The following MTIF3 variants were observed in gnomAD, a reference collection of about 807,000 sequenced individuals.
The protein encoded by MTIF3 is translation initiation factor IF-3, mitochondrial.
MTIF3 carries 13 observed loss-of-function variants against 20.7 expected under a neutral mutation model. That is an observed-to-expected ratio of 0.63 (90% CI 0.41 to 1.00). The LOEUF (loss-of-function observed/expected upper bound fraction) is 1.00, where lower values mean the gene tolerates loss of function less well. Among genes scored for constraint, MTIF3 ranks in the 50% least tolerant of loss-of-function variants. MTIF3 has a pLI of 0.00. For missense variants in MTIF3, 295 were observed against 324.5 expected, an observed-to-expected ratio of 0.91 and a Z score of 0.70; for synonymous variants, 114 against 112.5, an observed-to-expected ratio of 1.01 and a Z score of -0.08.
rs777543756 is a variant in MTIF3 at position 27,440,144 on chromosome 13, C to T, written c.305G>A (p.Arg102Gln). The T allele has an allele frequency of 9.3e-6, 15 of 1,614,040 alleles. No homozygotes were observed. Among genetic ancestry groups the T allele is most frequent in the Middle Eastern group, 1.6e-4 (1 of 6,084 alleles). The change falls in exon 3 of 5, where the codon CGA becomes CAA. Residue 102 changes from arginine (R) to glutamine (Q), a missense_variant. By Grantham distance (43) the Arg-to-Gln change is conservative. Transcript: ENST00000381120. ...EKGNDLGNMHRANVIRLMDER... is the reference protein window; with the variant it reads ...EKGNDLGNMHQANVIRLMDER... ...ATCCATAAGTCTAATCACATTTGCT[C>T]GGTGCATGTTTCCCAAATCATTGCC... is the stretch of plus-strand genomic sequence containing the variant.
intron 2 of MTIF3, among the ~76,000 whole-genome samples, chr13:27,441,651 G>A (rs753954991): frequency 7.9e-5 from 12 of 152,180 alleles, no homozygotes; most frequent in Non-Finnish European, 1.6e-4. Flanking sequence ...CATGTATTTG[G>A]TAAATCTTAG....
rs147552267 is a variant in MTIF3, at chr13:27,435,748, T to G, written c.764A>C (p.Gln255Pro). The G allele has an allele frequency of 4.4e-4, 709 of 1,614,016 alleles. No individual in the cohort carries two copies. Among genetic ancestry groups the G allele is most frequent in the Non-Finnish European group, 5.7e-4 (668 of 1,179,992 alleles). Residue 255 changes from glutamine (Q) to proline (P), a missense_variant, in exon 5 of 5, where the codon CAA becomes CCA. Coordinates refer to ENST00000381120, the MANE Select transcript of MTIF3 (RefSeq NM_152912.5). ...CAAAGTGTCTCTTTCCTGGGTCTCTTGAGTTTCTTTATATGCCTTCTCCTC... is the reference window on the plus strand; with the variant it reads ...CAAAGTGTCTCTTTCCTGGGTCTCTGGAGTTTCTTTATATGCCTTCTCCTC... ...KNEEKAYKET[Q>P]ETQERDTLNK...
intron 1 of MTIF3, among the ~76,000 whole-genome samples, chr13:27,446,801 A>G (rs1954194477): frequency 6.6e-6 from 1 of 152,044 alleles, no homozygotes; most frequent in Admixed American, 6.6e-5. Context: ...GTTTTCCTTA[A>G]ACTCAGGTCT....
intron 3 of MTIF3, among the ~76,000 whole-genome samples, chr13:27,437,704 T>C (rs1028845520): frequency 1.3e-5 from 2 of 152,168 alleles, no homozygotes; most frequent in African/African-American, 4.8e-5. Flanking sequence ...CATCCTGTGT[T>C]CATGCCCTCT....
intron 2 of MTIF3, among the ~76,000 whole-genome samples, chr13:27,444,534 G>A (rs929681219): frequency 1.3e-5 from 2 of 152,026 alleles, no homozygotes; most frequent in African/African-American, 2.4e-5. Flanking sequence ...TAAATACAAA[G>A]TTAAAACAAC....
At chr13:27,439,809 AGGG>A (rs1280730100) in intron 3 of MTIF3, among the ~76,000 whole-genome samples, 177 bp downstream of exon 3, 1 of 152,246 alleles carries the variant, frequency 6.6e-6, no homozygotes, top group Non-Finnish European at 1.5e-5. Context: ...AGTGAAAAAA[AGGG>A]AACAGGAGTA....
chr13:27,444,120 A>T (rs914469584), intron 2 of MTIF3, among the ~76,000 whole-genome samples: 1 of 152,120 alleles, frequency 6.6e-6, no homozygotes, highest in African/African-American at 2.4e-5. Context: ...TGGCTAACAC[A>T]GTGAAACCCT....
At chr13:27,437,519 T>C (rs1362906913) in intron 3 of MTIF3, among the ~76,000 whole-genome samples, 1 of 152,222 alleles carries the variant, frequency 6.6e-6, no homozygotes, top group Non-Finnish European at 1.5e-5. Flanking sequence ...CCATCGTTTG[T>C]TGAAAGAACA....
chr13:27,440,280 T>A lies in MTIF3; in HGVS notation c.169A>T (p.Thr57Ser), dbSNP rs562896740. 9.9e-6 allele frequency: 16 copies of A among 1,614,246 alleles called. 1 individual carries two copies. The African/African-American group carries it at 1.2e-4, about 12-fold the overall frequency. ...SFLIHAKAFS[T>S]AEDTQNEGKK... ...CCTTCATTCTGGGTGTCTTCAGCGG[T>A]ACTAAAGGCTTTTGCATGAATTAGG... is the stretch of plus-strand genomic sequence containing the variant. Residue 57 changes from threonine (T) to serine (S), a missense_variant, in exon 3 of 5, where the codon ACC becomes TCC. Transcript: ENST00000381120.
Position 27,435,962 on chromosome 13 carries a change from G to A in MTIF3, c.619-69C>T, listed in dbSNP as rs1181374198. The stretch of plus-strand genomic sequence containing the variant: ...TTTGGTGCTTTCTAATGTTCTGCTT[G>A]AACATTCACAAAAACTGGCACCCTT... On this transcript the variant is annotated intron_variant, in intron 4 of 4. Transcript: ENST00000381120. The A allele has an allele frequency of 2.6e-5, 35 of 1,332,586 alleles. No individual in the cohort carries two copies. The East Asian group carries it at 3.7e-4, about 14-fold the overall frequency. 82.5% of individuals were successfully genotyped at this position (1,332,586 alleles called of 1,614,324 possible).
chr13:27,436,973 A>T (rs1014768347), intron 4 of MTIF3, 143 bp downstream of exon 4: 3 of 725,666 alleles, frequency 4.1e-6, no homozygotes, highest in Admixed American at 3.0e-5. Flanking sequence ...GGTTGGTCTC[A>T]ATCTCCTGAT....
chr13:27,440,893 A>G (rs140193222), intron 2 of MTIF3: 2 of 174,112 alleles, frequency 1.1e-5, no homozygotes, highest in African/African-American at 4.8e-5. Flanking sequence ...TATGAATAAC[A>G]TAAGCAGTTG....
chr13:27,439,325 C>T (rs1302950962), intron 3 of MTIF3, among the ~76,000 whole-genome samples: 1 of 152,004 alleles, frequency 6.6e-6, no homozygotes, highest in Admixed American at 6.5e-5. Context: ...GTGAAACCCC[C>T]TCTCTATTAA....
intron 1 of MTIF3, among the ~76,000 whole-genome samples, chr13:27,446,949 T>C (rs776393251): frequency 6.6e-6 from 1 of 152,136 alleles, no homozygotes; most frequent in Non-Finnish European, 1.5e-5. Context: ...AATTCGTCCA[T>C]GTAATGAAAA....
intron 4 of MTIF3, among the ~76,000 whole-genome samples, chr13:27,436,774 C>T (rs1260609530): frequency 4.2e-5 from 3 of 71,568 alleles, no homozygotes; most frequent in Admixed American, 1.8e-4. Flanking sequence ...TTTTTTGAGA[C>T]GGAGTCTTGC....
chr13:27,442,408 C>T (rs1487493573), intron 2 of MTIF3, among the ~76,000 whole-genome samples: 1 of 151,924 alleles, frequency 6.6e-6, no homozygotes, highest in African/African-American at 2.4e-5. Context: ...ACTGCTCTTC[C>T]TGCCTCTGCC....
intron 4 of MTIF3, 76 bp downstream of exon 4, chr13:27,437,040 C>T (rs1953797897): frequency 8.7e-6 from 13 of 1,493,814 alleles, no homozygotes; most frequent in Middle Eastern, 1.8e-4. Flanking sequence ...CGTGAGCCAC[C>T]GCGCCTGGCC....
chr13:27,442,664 G>A (rs568107396), intron 2 of MTIF3, among the ~76,000 whole-genome samples: 1 of 152,134 alleles, frequency 6.6e-6, no homozygotes, highest in Non-Finnish European at 1.5e-5. Context: ...CTGGCACCCA[G>A]AAGTTCTCTC....
chr13:27,438,491 T>TTTTTG lies in MTIF3; in HGVS notation c.461-1219_461-1218insCAAAA, dbSNP rs1555259839. Among the ~76,000 whole-genome samples the TTTTTG allele has an allele frequency of 1.5e-4, 7 of 47,730 alleles. 1 individual carries two copies. Among genetic ancestry groups the TTTTTG allele is most frequent in the South Asian group, 1.6e-3 (1 of 642 alleles). 31.3% of individuals were successfully genotyped at this position (47,730 alleles called of 152,430 possible). A position where few individuals can be genotyped will look rare whatever the true frequency, so the allele number is the denominator to read the frequency against. On this transcript the variant is annotated intron_variant, in intron 3 of 4. Transcript: ENST00000381120. Reference sequence around the variant, plus strand: ...GGCAACAGAGCAAGACTGTTTTTTTTTTTTTTTTTTTTTTTTTTAAACACA... The same window carrying TTTTTG: ...GGCAACAGAGCAAGACTGTTTTTTTTTTTTGTTTTTTTTTTTTTTTTTTAAACACA...
Sources: allele counts gnomAD v4.1 joint callset (sites outside exome capture counted in the v4.1 genomes callset), GRCh38; gene constraint gnomAD v4.1.1; transcripts MANE v1.5; gene names NCBI Gene and HGNC (gene_info 2026-07-23, HGNC 2026-07-21).